Variants in TANGO6 observed in about 807,000 individuals in gnomAD.
The protein encoded by TANGO6 is transport and Golgi organization protein 6 homolog.
In TANGO6, 90 loss-of-function variants were observed where a neutral mutation model predicts 114.2. The observed-to-expected ratio is 0.79, with a 90% CI of 0.66 to 0.94. The LOEUF is 0.94. TANGO6 is among the 40% of genes least tolerant of loss of function. The pLI is 0.00. For synonymous variants in TANGO6, 477 were observed against 509.8 expected (o/e 0.94, Z 0.87); for missense variants, 1,274 against 1,315.3 (o/e 0.97, Z 0.49).
chr16:68,862,435 G>C (rs547907133), intron 2 of TANGO6, among the ~76,000 whole-genome samples: 2 of 152,152 alleles, frequency 1.3e-5, no homozygotes, highest in African/African-American at 4.8e-5. Context: ...GACCTCAGGA[G>C]ATCCGCCCCC....
intron 15 of TANGO6, among the ~76,000 whole-genome samples, chr16:69,013,352 T>C (rs374168374): frequency 5.6e-4 from 85 of 152,276 alleles, no homozygotes; most frequent in African/African-American, 1.9e-3. Flanking sequence ...GGCTCACACC[T>C]GTAATCCAGC....
At position 69,044,657 on chromosome 16, in the gene TANGO6, TC is replaced by T. The variant is rs1400954615; in HGVS notation, c.3108+4240del. Among the ~76,000 whole-genome samples, 3 of 152,086 alleles carry T rather than the reference TC, an allele frequency of 2.0e-5. No individual in the cohort carries two copies. In the East Asian group the frequency reaches 5.8e-4, roughly 29 times the overall value. On this transcript the variant is annotated intron_variant, in intron 17 of 17. Coordinates refer to ENST00000261778, the MANE Select transcript of TANGO6 (RefSeq NM_024562.2). ...GAAGGGAAAGATCCAAAGAGAAGATTCCCCAGTTCTCTCTGCCTACTTTTTA... is the reference window on the plus strand; with the variant it reads ...GAAGGGAAAGATCCAAAGAGAAGATTCCCAGTTCTCTCTGCCTACTTTTTA...
intron 7 of TANGO6, among the ~76,000 whole-genome samples, chr16:68,896,899 CTTTTTTAT>C (rs1200063733): frequency 1.3e-5 from 2 of 151,762 alleles, no homozygotes; most frequent in African/African-American, 4.8e-5. Flanking sequence ...AAGGGTTATT[CTTTTTTAT>C]TTTTTTATTT....
At chr16:68,979,846 C>CTTTTTTTTTTTTTTTTTTTTTTTGTT (rs775591234) in intron 15 of TANGO6, among the ~76,000 whole-genome samples, 1 of 136,292 alleles carries the variant, frequency 7.3e-6, no homozygotes, top group Non-Finnish European at 1.6e-5. Context: ...TGTTTTTTGA[C>CTTTTTTTTTTTTTTTTTTTTTTTGTT]TTTTTTTTTT....
chr16:68,855,110 G>A (rs544140630), intron 1 of TANGO6, among the ~76,000 whole-genome samples: 2 of 151,560 alleles, frequency 1.3e-5, no homozygotes, highest in African/African-American at 4.8e-5. Context: ...GGGAGGCTGA[G>A]GCAGGAGAAT....
intron 16 of TANGO6, chr16:69,026,784 C>T (rs1959509085): frequency 6.6e-6 from 1 of 152,430 alleles, no homozygotes; most frequent in African/African-American, 2.4e-5. Flanking sequence ...GATCTTGACT[C>T]ACTGCAGCCT....
chr16:69,025,224 A>G (rs1038625134), intron 16 of TANGO6, among the ~76,000 whole-genome samples: 1 of 152,238 alleles, frequency 6.6e-6, no homozygotes, highest in Admixed American at 6.5e-5. Flanking sequence ...CCAAGCTCTT[A>G]TACCGCACCC....
At chr16:69,058,008 C>T (rs1209496435) in intron 17 of TANGO6, among the ~76,000 whole-genome samples, 2 of 152,162 alleles carry the variant, frequency 1.3e-5, no homozygotes, top group African/African-American at 4.8e-5. Flanking sequence ...TTCAGGGCTG[C>T]CAAGCTGGGG....
At chr16:69,081,549 C>T (rs988176570) in intron 17 of TANGO6, among the ~76,000 whole-genome samples, 14 of 151,902 alleles carry the variant, frequency 9.2e-5, no homozygotes, top group African/African-American at 3.4e-4. Flanking sequence ...CCTTGTTGGC[C>T]AGGCTGGACT....
chr16:68,900,967 GT>G (rs1174411455), intron 8 of TANGO6, among the ~76,000 whole-genome samples: 12 of 152,214 alleles, frequency 7.9e-5, no homozygotes, highest in African/African-American at 2.9e-4. Context: ...CTAGGATTTG[GT>G]GTTGGTGATG....
chr16:68,999,139 T>C (rs1241556982), intron 15 of TANGO6, among the ~76,000 whole-genome samples: 1 of 152,152 alleles, frequency 6.6e-6, no homozygotes, highest in African/African-American at 2.4e-5. Flanking sequence ...CACCTCGGCT[T>C]CCCAATGTGC....
chr16:68,934,183 C>T (rs1283832207), intron 14 of TANGO6, among the ~76,000 whole-genome samples: 1 of 151,884 alleles, frequency 6.6e-6, no homozygotes, highest in East Asian at 1.9e-4. Context: ...GCTGGGACTA[C>T]AGATGCATGC....
chr16:68,989,077 G>C (rs1318230791), intron 15 of TANGO6, among the ~76,000 whole-genome samples: 2 of 152,062 alleles, frequency 1.3e-5, no homozygotes, highest in African/African-American at 4.8e-5. Context: ...TTGCCCAGCT[G>C]GTCTTGAACT....
chr16:68,957,141 G>A (rs1019106680), intron 14 of TANGO6, among the ~76,000 whole-genome samples: 164 of 150,852 alleles, frequency 1.1e-3, no homozygotes, highest in African/African-American at 3.6e-3. Flanking sequence ...ATTTTATTGC[G>A]GTTTTATGTG....
intron 17 of TANGO6, among the ~76,000 whole-genome samples, chr16:69,059,592 T>C (rs917994806): frequency 1.3e-5 from 2 of 152,036 alleles, no homozygotes; most frequent in Admixed American, 6.6e-5. Context: ...TAATCTCTGC[T>C]CACTGCAACC....
chr16:69,077,839 A>G (rs1357581272), intron 17 of TANGO6, among the ~76,000 whole-genome samples: 1 of 152,218 alleles, frequency 6.6e-6, no homozygotes, highest in East Asian at 1.9e-4. Context: ...CAAAAAAGAA[A>G]AAAGAAAAAA....
chr16:68,877,914 T>A (rs57178977), intron 5 of TANGO6, among the ~76,000 whole-genome samples: 37,308 of 151,922 alleles, frequency 0.25, 5,214 homozygotes, highest in African/African-American at 0.4. Context: ...GGCCAAAAAA[T>A]TTTTTTAATT....
intron 15 of TANGO6, among the ~76,000 whole-genome samples, chr16:68,976,704 C>G (rs1963768492): frequency 6.6e-6 from 1 of 152,174 alleles, no homozygotes; most frequent in Non-Finnish European, 1.5e-5. Context: ...TGTACAGTAT[C>G]CATTTGAGCC....
chr16:68,994,180 A>G (rs1340792967), intron 15 of TANGO6, among the ~76,000 whole-genome samples: 2 of 152,224 alleles, frequency 1.3e-5, no homozygotes, highest in Non-Finnish European at 2.9e-5. Context: ...ATTTTAGTTC[A>G]TTGAGTTGCC....
Sources: gnomAD v4.1 joint callset for allele counts (sites outside exome capture counted in the v4.1 genomes callset) on GRCh38, gnomAD v4.1.1 for gene constraint, MANE v1.5 for transcripts, NCBI Gene and HGNC (gene_info 2026-07-23, HGNC 2026-07-21) for gene names.